DPEP1: variants seen among roughly 807,000 people sequenced by gnomAD.
DPEP1 encodes beta-lactamase.
Under a neutral mutation model 42.3 loss-of-function variants are expected in DPEP1, and 50 were observed. The observed-to-expected ratio is 1.18, with a 90% confidence interval of 0.94 to 1.50. The LOEUF is 1.50. Ranked by LOEUF, DPEP1 falls within the 40% of genes most tolerant of loss-of-function variation. The pLI is 0.00. For missense variants in DPEP1, 663 were observed against 553.0 expected (o/e 1.20, Z -1.99); for synonymous variants, 297 against 234.0 (o/e 1.27, Z -2.46).
intron 2 of DPEP1, among the ~76,000 whole-genome samples, chr16:89,634,730 CT>C (rs1274423058): frequency 5.9e-5 from 5 of 84,092 alleles, no homozygotes; most frequent in African/African-American, 1.4e-4. Flanking sequence ...TCCCTTCCTT[CT>C]CCTTTCCCCT....
intron 1 of DPEP1, 86 bp downstream of exon 1, chr16:89,613,805 TG>T: frequency 6.2e-6 from 1 of 160,026 alleles, no homozygotes; most frequent in Non-Finnish European, 1.4e-5. Flanking sequence ...GGCACCACTG[TG>T]GGTGGAAGCT....
At chr16:89,617,374 C>G (rs1228203305) in intron 1 of DPEP1, among the ~76,000 whole-genome samples, 1 of 152,180 alleles carries the variant, frequency 6.6e-6, no homozygotes. Flanking sequence ...CAGGAGCTCC[C>G]TCAGCACGGT....
chr16:89,639,068 GCA>G (rs1273138458), downstream of DPEP1, among the ~76,000 whole-genome samples: 1 of 22,342 alleles, frequency 4.5e-5, no homozygotes, highest in Non-Finnish European at 7.7e-5. Context: ...CCGCACCCCT[GCA>G]CACACACACC....
At chr16:89,624,214 G>A (rs2059479601) in intron 1 of DPEP1, among the ~76,000 whole-genome samples, 1 of 152,076 alleles carries the variant, frequency 6.6e-6, no homozygotes, top group South Asian at 2.1e-4. Flanking sequence ...AGAAATCCCC[G>A]AGGCTGGGTC....
chr16:89,637,230 G>A lies in DPEP1; in HGVS notation c.618G>A (p.Leu206=), dbSNP rs772444371. ...GQRVVKELNR[L]GVLIDLAHVS... is the part of the protein sequence containing the mutation. ...GTGTGGTGAAGGAGCTGAACCGTCT[G>A]GGGGTCCTCATCGACTTGGCTCACG... is the stretch of plus-strand genomic sequence containing the variant. The change falls in exon 7 of 11, where the codon CTG becomes CTA. Residue 206 remains leucine, a synonymous_variant. Coordinates refer to ENST00000690203, the MANE Select transcript of DPEP1 (RefSeq NM_001389466.1). 1.5e-5 allele frequency: 24 copies of A among 1,612,564 alleles called. No homozygotes were observed. The African/African-American group carries it at 2.7e-4, about 18-fold the overall frequency.
At position 89,635,895 on chromosome 16, in the gene DPEP1, C is replaced by T. The variant is rs1179814111; in HGVS notation, c.105-13C>T. ...CCGCCCTGACTGCCTGGCCTCTCCC[C>T]GGCAAACTCCAGGCACAATGACCTC... is the stretch of plus-strand genomic sequence containing the variant. On this transcript the variant is annotated splice_polypyrimidine_tract_variant and intron_variant, in intron 2 of 10. Transcript: ENST00000690203. 28 of 1,584,280 alleles carry T rather than the reference C, an allele frequency of 1.8e-5. No homozygotes were observed. The highest frequency in any genetic ancestry group is 1.7e-4 in the Middle Eastern group (1 of 5,946).
At chr16:89,632,327 C>T (rs911102223) in intron 2 of DPEP1, among the ~76,000 whole-genome samples, 1 of 152,072 alleles carries the variant, frequency 6.6e-6, no homozygotes, top group Admixed American at 6.6e-5. Context: ...TGCTGGGATT[C>T]CAGGCGTGAG....
In DPEP1 at chr16:89,637,298, C is replaced by T. The variant is rs574945559; in HGVS notation, c.686C>T (p.Ala229Val). The T allele has an allele frequency of 1.7e-5, 28 of 1,612,674 alleles. No homozygotes were observed. The highest frequency in any genetic ancestry group is 4.0e-5 in the African/African-American group (3 of 75,064). The change falls in exon 7 of 11, where the codon GCC becomes GTC. Residue 229 changes from alanine (A) to valine (V), a missense_variant. Ala to Val is a moderately conservative substitution (Grantham distance 64). Coordinates refer to ENST00000690203, the MANE Select transcript of DPEP1 (RefSeq NM_001389466.1). ...AAGGCCACCCTGCAGCTGTCCAGAG[C>T]CCCGGTCATCTTCAGCCACTCCTCG... is the stretch of plus-strand genomic sequence containing the variant. ...TMKATLQLSR[A>V]PVIFSHSSAY...
At chr16:89,640,516 C>T (rs2059735266), downstream of DPEP1, 2 of 970,684 alleles carry the variant, frequency 2.1e-6, no homozygotes, top group South Asian at 9.6e-5. Flanking sequence ...GCAGGCGGCT[C>T]TGAAGCCTCC....
At chr16:89,637,118 T>C in intron 6 of DPEP1, 86 bp from the exon 7 acceptor site, 1 of 1,545,946 alleles carries the variant, frequency 6.5e-7, no homozygotes, top group Non-Finnish European at 8.7e-7. Flanking sequence ...CCACGAAGGA[T>C]GATGACTCAC....
At chr16:89,638,890 A>C (rs1466606473), downstream of DPEP1, among the ~76,000 whole-genome samples, 6 of 34,406 alleles carry the variant, frequency 1.7e-4, no homozygotes, top group African/African-American at 6.6e-4. Context: ...ACACACACAC[A>C]CCCCACCCCT....
chr16:89,629,711 G>C (rs548185675), intron 1 of DPEP1, among the ~76,000 whole-genome samples: 22 of 152,322 alleles, frequency 1.4e-4, no homozygotes, highest in African/African-American at 4.8e-4. Context: ...GAGTCCTAGA[G>C]AGGCCCCGGT....
chr16:89,614,070 C>T (rs2151473580), intron 1 of DPEP1, among the ~76,000 whole-genome samples: 1 of 150,552 alleles, frequency 6.6e-6, no homozygotes, highest in Non-Finnish European at 1.5e-5. Context: ...GACGCGGCTG[C>T]TTCCTGGGAT....
chr16:89,626,434 T>G (rs564031760), intron 1 of DPEP1: 1 of 152,298 alleles, frequency 6.6e-6, no homozygotes, highest in East Asian at 1.9e-4. Context: ...CCCCGCAACC[T>G]CCACCTCCCG....
intron 1 of DPEP1, among the ~76,000 whole-genome samples, chr16:89,625,180 C>G (rs554244767): frequency 5.3e-5 from 8 of 152,170 alleles, no homozygotes; most frequent in Middle Eastern, 3.4e-3. Context: ...GGTGTTTTCT[C>G]TTTTAGGAAG....
chr16:89,634,025 G>A (rs1024768926), intron 2 of DPEP1, among the ~76,000 whole-genome samples: 1 of 151,800 alleles, frequency 6.6e-6, no homozygotes, highest in Non-Finnish European at 1.5e-5. Flanking sequence ...AGATGAGATC[G>A]TAGCCTAGAG....
chr16:89,627,364 T>C (rs533656328), intron 1 of DPEP1, among the ~76,000 whole-genome samples: 1 of 151,586 alleles, frequency 6.6e-6, no homozygotes, highest in South Asian at 2.1e-4. Context: ...GGGCACATTA[T>C]TTTAGGTCAG....
intron 1 of DPEP1, among the ~76,000 whole-genome samples, chr16:89,619,750 TG>T (rs1449495338): frequency 1.9e-3 from 1 of 538 alleles, no homozygotes; most frequent in East Asian, 0.036. Flanking sequence ...TGCAGCCTGC[TG>T]TGCCCCCTGC....
chr16:89,615,070 A>AC (rs144248549), intron 1 of DPEP1, among the ~76,000 whole-genome samples: 131 of 152,290 alleles, frequency 8.6e-4, no homozygotes, highest in Non-Finnish European at 1.6e-3. Context: ...CATGGGTGGA[A>AC]GGGGGCATCT....
Sources: gnomAD v4.1 joint callset for allele counts (sites outside exome capture counted in the v4.1 genomes callset) on GRCh38, gnomAD v4.1.1 for gene constraint, MANE v1.5 for transcripts, NCBI Gene and HGNC (gene_info 2026-07-23, HGNC 2026-07-21) for gene names.